GSE1: variants seen among roughly 807,000 people sequenced by gnomAD.
GSE1 encodes the protein genetic suppressor element 1.
Under a neutral mutation model 112.6 loss-of-function variants are expected in GSE1, and 32 were observed. The observed-to-expected ratio is 0.28, with a 90% CI of 0.21 to 0.38. The LOEUF (loss-of-function observed/expected upper bound fraction) is 0.38, where lower values mean the gene tolerates loss of function less well. GSE1 is among the 10% of genes least tolerant of loss of function. GSE1 has a pLI of 1.00. For synonymous variants in GSE1, 1,115 were observed against 735.6 expected, an observed-to-expected ratio of 1.52 and a Z score of -8.35; for missense variants, 2,348 against 1,699.2, an observed-to-expected ratio of 1.38 and a Z score of -6.71.
intron 2 of GSE1, among the ~76,000 whole-genome samples, chr16:85,404,304 G>A (rs1166402690): frequency 1.6e-5 from 1 of 64,084 alleles, no homozygotes; most frequent in Admixed American, 1.4e-4. Context: ...CAGGCCCCCC[G>A]GATAATCCTC....
intron 1 of GSE1, among the ~76,000 whole-genome samples, chr16:85,632,259 G>C (rs1055460315): frequency 5.9e-5 from 9 of 152,238 alleles, no homozygotes; most frequent in African/African-American, 2.2e-4. Context: ...TGGGCATGGG[G>C]CTCTCAGGGG....
chr16:85,299,469 G>C (rs1298660735), intron 1 of GSE1, among the ~76,000 whole-genome samples: 1 of 152,226 alleles, frequency 6.6e-6, no homozygotes, highest in Non-Finnish European at 1.5e-5. Context: ...ACTTCTGCCA[G>C]TGACCTGCCT....
chr16:85,411,103 A>T (rs80287708), intron 2 of GSE1, among the ~76,000 whole-genome samples: 13 of 92,510 alleles, frequency 1.4e-4, no homozygotes, highest in African/African-American at 6.8e-4. Context: ...CCTCACTGTT[A>T]CACTCAGGCC....
At chr16:85,501,013 T>G (rs1395067109) in intron 2 of GSE1, among the ~76,000 whole-genome samples, 1 of 140,864 alleles carries the variant, frequency 7.1e-6, no homozygotes. Context: ...TTTTTTTTTT[T>G]TTTTTTTTTT....
At chr16:85,326,094 A>G (rs148251860) in intron 1 of GSE1, among the ~76,000 whole-genome samples, 31 of 152,276 alleles carry the variant, frequency 2.0e-4, no homozygotes, top group African/African-American at 7.0e-4. Context: ...ACAGGGGTAG[A>G]AAGTTGGCCT....
chr16:85,517,218 A>G (rs183913144), intron 2 of GSE1, among the ~76,000 whole-genome samples: 6 of 151,734 alleles, frequency 4.0e-5, no homozygotes, highest in South Asian at 2.1e-4. Context: ...AGGGACCATC[A>G]GATGGGTCCC....
At chr16:85,496,606 T>C (rs182556025) in intron 2 of GSE1, among the ~76,000 whole-genome samples, 46 of 152,256 alleles carry the variant, frequency 3.0e-4, no homozygotes, top group African/African-American at 9.6e-4. Context: ...AGAAGTGGAA[T>C]TGGGGAGAAA....
In GSE1 at chr16:85,665,101, A is replaced by G; in HGVS notation, c.2731A>G (p.Arg911Gly). 6.2e-7 allele frequency: 1 copy of G among 1,609,622 alleles called. No homozygotes were observed. Among genetic ancestry groups the G allele is most frequent in the East Asian group, 2.2e-5 (1 of 44,860 alleles). Reference protein sequence around the residue: ...AVADSLTNSPRDSPAVSLSEP... With the variant: ...AVADSLTNSPGDSPAVSLSEP... ...GGCCGACTCCTTGACAAACTCTCCG[A>G]GGGACAGTCCTGCCGTCTCCCTGAG... The change falls in exon 12 of 16, where the codon AGG becomes GGG. Residue 911 changes from arginine to glycine, a missense_variant. Physicochemically the swap from Arg to Gly is moderately radical, Grantham distance 125. Transcript: ENST00000253458.
intron 1 of GSE1, among the ~76,000 whole-genome samples, chr16:85,342,916 G>T (rs1450952844): frequency 6.6e-6 from 1 of 151,456 alleles, no homozygotes; most frequent in East Asian, 2.0e-4. Context: ...ATGAAGAGGG[G>T]GTGCCGCTGA....
At chr16:85,460,632 G>A (rs1447130790) in intron 2 of GSE1, among the ~76,000 whole-genome samples, 1 of 152,238 alleles carries the variant, frequency 6.6e-6, no homozygotes, top group African/African-American at 2.4e-5. Context: ...GGCAAGAGCC[G>A]GCAGTGACCT....
chr16:85,668,018 T>C (rs1247613763), intron 13 of GSE1, 122 bp from the exon 14 acceptor site: 3 of 728,716 alleles, frequency 4.1e-6, no homozygotes, highest in African/African-American at 3.5e-5. Flanking sequence ...GATGTCATCT[T>C]GGTCCCCGGA....
chr16:85,241,222 A>G (rs562973609), intron 1 of GSE1, among the ~76,000 whole-genome samples: 72 of 152,168 alleles, frequency 4.7e-4, no homozygotes, highest in Middle Eastern at 3.4e-3. Context: ...TTCTCCTCCC[A>G]GAGCCTCAGT....
chr16:85,627,017 T>TG (rs985583262), intron 1 of GSE1, among the ~76,000 whole-genome samples: 1 of 145,088 alleles, frequency 6.9e-6, no homozygotes, highest in Non-Finnish European at 1.5e-5. Flanking sequence ...CCCTCTCCAC[T>TG]GGGACTTTGC....
At chr16:85,460,037 G>C (rs2049930291) in intron 2 of GSE1, among the ~76,000 whole-genome samples, 1 of 152,136 alleles carries the variant, frequency 6.6e-6, no homozygotes, top group Non-Finnish European at 1.5e-5. Context: ...GAGCCCCCAG[G>C]GCCCCGCAGT....
chr16:85,254,437 T>C (rs1906847972), intron 1 of GSE1, among the ~76,000 whole-genome samples: 1 of 152,174 alleles, frequency 6.6e-6, no homozygotes, highest in South Asian at 2.1e-4. Flanking sequence ...CAGCAGGTAC[T>C]CAGCACATAT....
chr16:85,313,260 G>A (rs2072570297), intron 1 of GSE1, among the ~76,000 whole-genome samples: 1 of 152,146 alleles, frequency 6.6e-6, no homozygotes, highest in South Asian at 2.1e-4. Context: ...CTCCTGGTGA[G>A]ACCTGCCCTG....
chr16:85,470,036 C>G (rs1053782464), intron 2 of GSE1, among the ~76,000 whole-genome samples: 1 of 152,244 alleles, frequency 6.6e-6, no homozygotes, highest in Non-Finnish European at 1.5e-5. Flanking sequence ...GCCACCCCCT[C>G]CACTGCCCAG....
chr16:85,626,430 C>T (rs1368370138), intron 1 of GSE1, among the ~76,000 whole-genome samples: 2 of 152,200 alleles, frequency 1.3e-5, no homozygotes, highest in Non-Finnish European at 1.5e-5. Flanking sequence ...GTGGGGATCG[C>T]GGGGGCGGGC....
chr16:85,378,135 C>T (rs1048403107), intron 2 of GSE1, among the ~76,000 whole-genome samples: 53 of 152,254 alleles, frequency 3.5e-4, no homozygotes, highest in African/African-American at 1.3e-3. Context: ...GGGCCCTGGG[C>T]CAGTGGGGGC....
Sources: allele counts gnomAD v4.1 joint callset (sites outside exome capture counted in the v4.1 genomes callset), GRCh38; gene constraint gnomAD v4.1.1; transcripts MANE v1.5; gene names NCBI Gene and HGNC (gene_info 2026-07-23, HGNC 2026-07-21).